MAGI2: variants seen among roughly 807,000 people sequenced by gnomAD.
The protein encoded by MAGI2 is membrane associated guanylate kinase, WW and PDZ domain containing 2.
MAGI2 carries 35 observed loss-of-function variants against 133.3 expected under a neutral mutation model. The ratio of observed to expected loss-of-function variants is 0.26; its 90% CI spans 0.20 to 0.35. MAGI2 has a LOEUF of 0.35. Among genes scored for constraint, MAGI2 ranks in the 10% least tolerant of loss-of-function variants. MAGI2 has a pLI of 1.00. For missense variants in MAGI2, 1,636 were observed against 1,863.4 expected, an observed-to-expected ratio of 0.88 and a Z score of 2.25; for synonymous variants, 729 against 710.6, an observed-to-expected ratio of 1.03 and a Z score of -0.41.
chr7:78,177,334 TTAACATATGCTCATAA>T (rs1286538978), intron 14 of MAGI2, among the ~76,000 whole-genome samples: 1 of 152,142 alleles, frequency 6.6e-6, no homozygotes, highest in African/African-American at 2.4e-5. Context: ...AGCTTATATT[TTAACATATGCTCATAA>T]ATCTAGCCTT....
intron 21 of MAGI2, among the ~76,000 whole-genome samples, chr7:78,059,775 A>ATTTTTTT (rs141199304): frequency 8.9e-4 from 80 of 89,446 alleles, no homozygotes; most frequent in South Asian, 5.1e-3. Context: ...ATATATATAT[A>ATTTTTTT]TATTTTTTTT....
At chr7:78,932,290 G>T (rs1056260579) in intron 2 of MAGI2, among the ~76,000 whole-genome samples, 2 of 152,056 alleles carry the variant, frequency 1.3e-5, no homozygotes, top group Admixed American at 1.3e-4. Context: ...AAGGCCTGCA[G>T]ATACCCCTGC....
chr7:78,367,838 T>C (rs1006611760), intron 7 of MAGI2, among the ~76,000 whole-genome samples: 2 of 152,210 alleles, frequency 1.3e-5, no homozygotes, highest in African/African-American at 4.8e-5. Context: ...AACTATGTTA[T>C]TTAAAACATG....
intron 2 of MAGI2, among the ~76,000 whole-genome samples, chr7:78,850,107 T>A (rs930074360): frequency 1.3e-5 from 2 of 152,082 alleles, no homozygotes; most frequent in African/African-American, 2.4e-5. Context: ...AATAGATCCA[T>A]GAAAATTTCA....
intron 6 of MAGI2, among the ~76,000 whole-genome samples, chr7:78,431,097 T>C (rs1799750232): frequency 6.6e-6 from 1 of 151,860 alleles, no homozygotes; most frequent in African/African-American, 2.4e-5. Flanking sequence ...TGTGTGTGTG[T>C]GTGTGTGTTT....
chr7:79,324,639 AT>A lies in MAGI2; in HGVS notation c.301+128380del, dbSNP rs1563116615. Among the ~76,000 whole-genome samples the A allele has an allele frequency of 7.5e-4, 35 of 46,452 alleles. 12 individuals are homozygous for A. Among genetic ancestry groups the A allele is most frequent in the South Asian group, 4.7e-3 (5 of 1,064 alleles). The allele number at this position is 46,452 out of a possible 152,430, so 30.5% of individuals were successfully genotyped here. On this transcript the variant is annotated intron_variant, in intron 1 of 21. Coordinates refer to ENST00000354212, the MANE Select transcript of MAGI2 (RefSeq NM_012301.4). ...TATATAATATATATATTATATATATATAAAATATATATATATTATATATATA... is the reference window on the plus strand; with the variant it reads ...TATATAATATATATATTATATATATAAAAATATATATATATTATATATATA...
intron 1 of MAGI2, among the ~76,000 whole-genome samples, chr7:79,442,834 G>C (rs1001800809): frequency 6.6e-6 from 1 of 151,882 alleles, no homozygotes; most frequent in Non-Finnish European, 1.5e-5. Flanking sequence ...TTAGAAATTA[G>C]CCAAGACTTT....
chr7:78,542,724 G>C (rs1047270301), intron 3 of MAGI2, among the ~76,000 whole-genome samples: 10 of 152,152 alleles, frequency 6.6e-5, no homozygotes, highest in Admixed American at 1.3e-4. Context: ...AAGGGGAGGA[G>C]GGGCAGCATT....
chr7:78,469,387 G>T (rs1034101891), intron 6 of MAGI2, among the ~76,000 whole-genome samples: 4 of 152,156 alleles, frequency 2.6e-5, no homozygotes, highest in African/African-American at 9.6e-5. Flanking sequence ...CAAGGTCCTT[G>T]ATGCTGTGCC....
At chr7:78,809,899 G>C (rs573824900) in intron 2 of MAGI2, among the ~76,000 whole-genome samples, 142 of 152,206 alleles carry the variant, frequency 9.3e-4, no homozygotes, top group Non-Finnish European at 1.8e-3. Context: ...TTTGGAAATG[G>C]AACTATGAAA....
chr7:78,328,405 A>G (rs141325955), intron 9 of MAGI2, among the ~76,000 whole-genome samples: 1,545 of 151,844 alleles, frequency 0.01, 14 homozygotes, highest in Middle Eastern at 0.051. Context: ...TATAGGATAT[A>G]TTTAAGGATA....
At chr7:78,514,323 A>ACT (rs773286447) in intron 4 of MAGI2, among the ~76,000 whole-genome samples, 10 of 151,534 alleles carry the variant, frequency 6.6e-5, no homozygotes, top group Non-Finnish European at 1.2e-4. Context: ...ATCACCACAA[A>ACT]CTCTAAAGTG....
intron 1 of MAGI2, among the ~76,000 whole-genome samples, chr7:79,237,640 C>A (rs1469768020): frequency 6.6e-6 from 1 of 152,212 alleles, no homozygotes; most frequent in Non-Finnish European, 1.5e-5. Flanking sequence ...TGCCAACACT[C>A]ACAGTTGGAG....
chr7:79,287,707 A>G (rs1252848408), intron 1 of MAGI2, among the ~76,000 whole-genome samples: 1 of 152,138 alleles, frequency 6.6e-6, no homozygotes, highest in Non-Finnish European at 1.5e-5. Flanking sequence ...ATAGGCAATC[A>G]GTAAGTAGTG....
chr7:78,668,527 G>A (rs1813920951), intron 2 of MAGI2, among the ~76,000 whole-genome samples: 1 of 151,254 alleles, frequency 6.6e-6, no homozygotes, highest in African/African-American at 2.4e-5. Flanking sequence ...ATGGTTTTAG[G>A]TCTAATGTTT....
chr7:78,842,458 T>G (rs1201356909), intron 2 of MAGI2, among the ~76,000 whole-genome samples: 1 of 152,012 alleles, frequency 6.6e-6, no homozygotes. Flanking sequence ...TGGCAATGTA[T>G]TTTTAGTTGT....
At chr7:79,427,034 A>C (rs1281244623) in intron 1 of MAGI2, among the ~76,000 whole-genome samples, 1 of 152,162 alleles carries the variant, frequency 6.6e-6, no homozygotes, top group Non-Finnish European at 1.5e-5. Flanking sequence ...TAAACTATAA[A>C]ATATTGTTAT....
intron 1 of MAGI2, among the ~76,000 whole-genome samples, chr7:79,317,769 C>CA (rs1284330397): frequency 6.6e-6 from 1 of 152,280 alleles, no homozygotes; most frequent in East Asian, 1.9e-4. Flanking sequence ...AATACTGCCT[C>CA]ATTTCCTTCG....
chr7:78,944,728 T>G (rs1326994889), intron 2 of MAGI2, among the ~76,000 whole-genome samples: 2 of 151,452 alleles, frequency 1.3e-5, no homozygotes, highest in East Asian at 3.9e-4. Context: ...TTTATTTATT[T>G]ATTTATTTAT....
Sources: gnomAD v4.1 joint callset for allele counts (sites outside exome capture counted in the v4.1 genomes callset) on GRCh38, gnomAD v4.1.1 for gene constraint, MANE v1.5 for transcripts, NCBI Gene and HGNC (gene_info 2026-07-23, HGNC 2026-07-21) for gene names.